DLG2: variants seen among roughly 807,000 people sequenced by gnomAD.
DLG2 encodes the protein disks large homolog 2.
A neutral mutation model predicts 132.5 loss-of-function variants in DLG2; 45 were observed. The observed-to-expected ratio is 0.34, with a 90% CI of 0.27 to 0.44. DLG2 has a LOEUF of 0.44. Among genes scored for constraint, DLG2 ranks in the 20% least tolerant of loss-of-function variants. The pLI is 1.00. For missense variants in DLG2, 1,045 were observed against 1,196.9 expected (o/e 0.87, Z 1.87); for synonymous variants, 424 against 419.6 (o/e 1.01, Z -0.13).
At chr11:85,353,897 T>C (rs760082176) in intron 3 of DLG2, among the ~76,000 whole-genome samples, 1 of 151,254 alleles carries the variant, frequency 6.6e-6, no homozygotes, top group Non-Finnish European at 1.5e-5. Flanking sequence ...AAATGATGAG[T>C]TAATGGGTGC....
chr11:84,642,107 G>A (rs967924395), intron 6 of DLG2, among the ~76,000 whole-genome samples: 3 of 131,680 alleles, frequency 2.3e-5, no homozygotes, highest in African/African-American at 6.0e-5. Flanking sequence ...GTGTGTGTGT[G>A]TATATGTAGA....
At chr11:84,613,922 T>C (rs2099599729) in intron 6 of DLG2, among the ~76,000 whole-genome samples, 1 of 152,144 alleles carries the variant, frequency 6.6e-6, no homozygotes, top group Non-Finnish European at 1.5e-5. Flanking sequence ...ATAATACTTT[T>C]ATAGATCCTC....
At chr11:84,037,970 CCTTTT>C (rs1191814974) in intron 11 of DLG2, among the ~76,000 whole-genome samples, 2 of 151,482 alleles carry the variant, frequency 1.3e-5, no homozygotes, top group African/African-American at 2.4e-5. Flanking sequence ...TTCTTTTTTT[CCTTTT>C]AACTTTTATT....
chr11:83,661,628 G>T (rs1176369063), intron 18 of DLG2, among the ~76,000 whole-genome samples: 1 of 152,088 alleles, frequency 6.6e-6, no homozygotes, highest in Non-Finnish European at 1.5e-5. Context: ...AGTAGAGCCA[G>T]ATTTGTATGA....
intron 15 of DLG2, among the ~76,000 whole-genome samples, chr11:83,884,387 G>A (rs1258898918): frequency 6.6e-6 from 1 of 152,146 alleles, no homozygotes; most frequent in Non-Finnish European, 1.5e-5. Flanking sequence ...AGCGAGGCTA[G>A]GGGGAGGGGC....
rs1317478789 is a variant in DLG2, at chr11:85,067,323, G to GT, written c.357+44337dup. ...CCTGGATTCATTGATTTTTTGAAGG[G>GT]TTTTTTGTGTCTCTATCTCCTTCAG... On this transcript the variant is annotated intron_variant, in intron 6 of 27. Transcript: ENST00000376104. Among the ~76,000 whole-genome samples, 4 of 151,852 alleles carry GT rather than the reference G, an allele frequency of 2.6e-5. No homozygotes were observed. The South Asian group carries it at 8.3e-4, about 32-fold the overall frequency.
At chr11:84,914,312 CTT>C (rs1465604057) in intron 6 of DLG2, among the ~76,000 whole-genome samples, 1 of 152,122 alleles carries the variant, frequency 6.6e-6, no homozygotes, top group East Asian at 1.9e-4. Flanking sequence ...GGTCAAATGA[CTT>C]TTTATTTTAT....
chr11:83,725,803 A>G (rs1252289516), intron 18 of DLG2, among the ~76,000 whole-genome samples: 1 of 152,180 alleles, frequency 6.6e-6, no homozygotes, highest in African/African-American at 2.4e-5. Context: ...AGATGTTGAT[A>G]TTCATGTTTT....
intron 6 of DLG2, among the ~76,000 whole-genome samples, chr11:84,769,850 G>T (rs144063360): frequency 1.3e-5 from 2 of 152,222 alleles, no homozygotes; most frequent in East Asian, 3.9e-4. Context: ...TTCCAACCAA[G>T]AATTTAATAT....
rs575095955 is a variant in DLG2, at chr11:84,988,113, T to C, written c.357+123548A>G. Among the ~76,000 whole-genome samples the C allele has an allele frequency of 2.0e-3, 299 of 151,810 alleles. 2 individuals are homozygous for C. The highest frequency in any genetic ancestry group is 3.2e-3 in the Non-Finnish European group (217 of 67,968). ...AATAGACAATTCTCAAAAGAAGATA[T>C]AAAAATGGCCAAGAAACGTAGGAAA... On this transcript the variant is annotated intron_variant, in intron 6 of 27. Coordinates refer to ENST00000376104, the MANE Select transcript of DLG2 (RefSeq NM_001142699.3).
chr11:85,087,860 A>AAAAAAAAAAAAAC (rs1566822706), intron 6 of DLG2, among the ~76,000 whole-genome samples: 2 of 147,676 alleles, frequency 1.4e-5, no homozygotes. Context: ...AAAAAAAAAA[A>AAAAAAAAAAAAAC]AAAAAAAAAC....
chr11:84,394,617 C>T (rs1038874066), intron 7 of DLG2, among the ~76,000 whole-genome samples: 17 of 151,830 alleles, frequency 1.1e-4, no homozygotes, highest in Admixed American at 2.6e-4. Context: ...AACCTCTTGC[C>T]TACTTACTTT....
intron 16 of DLG2, among the ~76,000 whole-genome samples, chr11:83,842,816 CA>C (rs1259239219): frequency 0.061 from 4,180 of 68,374 alleles, 200 homozygotes; most frequent in African/African-American, 0.18. Flanking sequence ...ACTCTGTCTC[CA>C]AAAAAAAAAA....
chr11:84,280,531 A>T (rs1252759548), intron 7 of DLG2, among the ~76,000 whole-genome samples: 2 of 152,118 alleles, frequency 1.3e-5, no homozygotes, highest in Non-Finnish European at 2.9e-5. Flanking sequence ...TGACTCCCAA[A>T]GTGCTGGGAT....
chr11:84,906,231 GTTTT>G (rs202160051), intron 6 of DLG2, among the ~76,000 whole-genome samples: 1 of 116,326 alleles, frequency 8.6e-6, no homozygotes, highest in African/African-American at 3.1e-5. Flanking sequence ...ACAAGTTTTG[GTTTT>G]TTTGTTTTTT....
intron 7 of DLG2, among the ~76,000 whole-genome samples, chr11:84,439,558 C>T (rs1426390039): frequency 6.6e-6 from 1 of 152,118 alleles, no homozygotes; most frequent in African/African-American, 2.4e-5. Flanking sequence ...CTAAGGCAAC[C>T]CCTGTGCAAA....
At chr11:84,779,192 G>GCGCA (rs1011080342) in intron 6 of DLG2, among the ~76,000 whole-genome samples, 1 of 135,636 alleles carries the variant, frequency 7.4e-6, no homozygotes, top group African/African-American at 2.7e-5. Flanking sequence ...ATATATATGT[G>GCGCA]CGCACACACA....
At chr11:83,926,619 C>A (rs1160591476) in intron 15 of DLG2, among the ~76,000 whole-genome samples, 1 of 151,864 alleles carries the variant, frequency 6.6e-6, no homozygotes, top group East Asian at 1.9e-4. Context: ...TTTTTTAGGG[C>A]AAAAGATTCT....
chr11:83,484,569 T>C (rs1159530191), intron 21 of DLG2, among the ~76,000 whole-genome samples: 4 of 152,246 alleles, frequency 2.6e-5, no homozygotes, highest in African/African-American at 7.2e-5. Flanking sequence ...AGAAAGGGAA[T>C]TGAATGTCTC....
Sources: gnomAD v4.1 joint callset for allele counts (sites outside exome capture counted in the v4.1 genomes callset) on GRCh38, gnomAD v4.1.1 for gene constraint, MANE v1.5 for transcripts, NCBI Gene and HGNC (gene_info 2026-07-23, HGNC 2026-07-21) for gene names.